The following PRKAR1B variants were observed in gnomAD, a reference collection of about 807,000 sequenced individuals.
PRKAR1B encodes the protein cAMP-dependent protein kinase type I-beta regulatory subunit.
In PRKAR1B, 22 loss-of-function variants were observed where a neutral mutation model predicts 46.5. The observed-to-expected ratio is 0.47, with a 90% confidence interval of 0.34 to 0.68. PRKAR1B has a LOEUF of 0.68. Among genes scored for constraint, PRKAR1B ranks in the 30% least tolerant of loss-of-function variants. The pLI is 0.01. For synonymous variants in PRKAR1B, 259 were observed against 217.7 expected, an observed-to-expected ratio of 1.19 and a Z score of -1.67; for missense variants, 445 against 535.6, an observed-to-expected ratio of 0.83 and a Z score of 1.67.
chr7:682,144 T>C (rs866034084), intron 2 of PRKAR1B, among the ~76,000 whole-genome samples: 5 of 152,114 alleles, frequency 3.3e-5, no homozygotes, highest in Middle Eastern at 6.8e-3. Context: ...AGCTCAGTCC[T>C]CGTCCTAAGG....
At chr7:632,318 A>C (rs1583328240) in intron 4 of PRKAR1B, among the ~76,000 whole-genome samples, 2 of 151,990 alleles carry the variant, frequency 1.3e-5, no homozygotes, top group South Asian at 4.1e-4. Context: ...GAGACCACCC[A>C]CCTCGCCGAA....
chr7:553,629 C>T (rs1784386324), intron 9 of PRKAR1B, among the ~76,000 whole-genome samples: 1 of 152,214 alleles, frequency 6.6e-6, no homozygotes, highest in Non-Finnish European at 1.5e-5. Context: ...AGAACAAACA[C>T]TTCATTTCAA....
chr7:550,426 G>C lies in PRKAR1B; in HGVS notation c.*4C>G. On this transcript the variant is annotated 3_prime_UTR_variant, in exon 11 of 11. Coordinates refer to ENST00000537384, the MANE Select transcript of PRKAR1B (RefSeq NM_001164760.2). The stretch of plus-strand genomic sequence containing the variant: ...GAGCTGGGGCTGCAGGGCGGGAGCT[G>C]TGCTCAGACGGTGAGGGAGATGAAG... The C allele has an allele frequency of 6.3e-7, 1 of 1,584,314 alleles. No individual in the cohort carries two copies. Among genetic ancestry groups the C allele is most frequent in the Non-Finnish European group, 8.6e-7 (1 of 1,165,716 alleles).
chr7:715,915 C>T (rs979704245), intron 1 of PRKAR1B, among the ~76,000 whole-genome samples: 52 of 152,264 alleles, frequency 3.4e-4, no homozygotes, highest in East Asian at 3.9e-4. Flanking sequence ...TGGGGTTTCA[C>T]CGTGTTAGCC....
chr7:686,300 C>T (rs1275613679), intron 2 of PRKAR1B, among the ~76,000 whole-genome samples: 1 of 141,916 alleles, frequency 7.0e-6, no homozygotes, highest in Non-Finnish European at 1.5e-5. Flanking sequence ...GATTATGTCT[C>T]AGAAAAAAAA....
intron 4 of PRKAR1B, among the ~76,000 whole-genome samples, chr7:613,224 T>C (rs1041331468): frequency 6.7e-6 from 1 of 149,600 alleles, no homozygotes; most frequent in Non-Finnish European, 1.5e-5. Flanking sequence ...TTTCATGTGT[T>C]TTTTTCTTTT....
chr7:614,859 C>A (rs1782714464), intron 4 of PRKAR1B, among the ~76,000 whole-genome samples: 1 of 151,760 alleles, frequency 6.6e-6, no homozygotes, highest in South Asian at 2.1e-4. Flanking sequence ...TTACCATGAG[C>A]TGAGATCGCA....
intron 2 of PRKAR1B, among the ~76,000 whole-genome samples, chr7:699,191 C>T (rs1022371226): frequency 9.9e-5 from 15 of 152,278 alleles, no homozygotes; most frequent in African/African-American, 3.6e-4. Context: ...AGCTCCATGA[C>T]TCTCCCTGGC....
At chr7:636,372 A>T (rs76815819) in intron 4 of PRKAR1B, among the ~76,000 whole-genome samples, 59 of 29,468 alleles carry the variant, frequency 2.0e-3, no homozygotes, top group African/African-American at 4.5e-3. Context: ...GGCCGCGCCC[A>T]CACGTCCTCC....
At chr7:724,950 C>G (rs1781198214) in intron 1 of PRKAR1B, among the ~76,000 whole-genome samples, 1 of 152,228 alleles carries the variant, frequency 6.6e-6, no homozygotes, top group Non-Finnish European at 1.5e-5. Flanking sequence ...CGTGGTGGCT[C>G]ACGCCTGTAA....
chr7:603,969 G>A (rs1340580599), intron 6 of PRKAR1B, among the ~76,000 whole-genome samples: 1 of 152,152 alleles, frequency 6.6e-6, no homozygotes, highest in East Asian at 1.9e-4. Flanking sequence ...ATAAAGCGGT[G>A]GGTCCAGTCA....
intron 9 of PRKAR1B, among the ~76,000 whole-genome samples, chr7:575,844 C>T (rs1233877646): frequency 2.0e-5 from 3 of 152,212 alleles, no homozygotes; most frequent in African/African-American, 7.2e-5. Context: ...TCCCAAAGTG[C>T]TGGGATTACA....
At chr7:621,207 A>G (rs1783093320) in intron 4 of PRKAR1B, among the ~76,000 whole-genome samples, 1 of 152,228 alleles carries the variant, frequency 6.6e-6, no homozygotes, top group Admixed American at 6.5e-5. Context: ...AAGAATAGAC[A>G]GTTTGCTGAT....
chr7:652,438 A>AG (rs1436744061), intron 4 of PRKAR1B, among the ~76,000 whole-genome samples: 1 of 150,204 alleles, frequency 6.7e-6, no homozygotes, highest in Non-Finnish European at 1.5e-5. Context: ...CTCGGAAGAC[A>AG]GTTCACACCC....
intron 6 of PRKAR1B, among the ~76,000 whole-genome samples, chr7:605,881 C>T (rs1208739444): frequency 2.6e-5 from 4 of 152,136 alleles, no homozygotes; most frequent in African/African-American, 4.8e-5. Flanking sequence ...GATCTGGAGA[C>T]GGCGCTGGGT....
chr7:698,098 A>G (rs1444590253), intron 2 of PRKAR1B, among the ~76,000 whole-genome samples: 7 of 127,756 alleles, frequency 5.5e-5, no homozygotes, highest in Non-Finnish European at 8.3e-5. Flanking sequence ...GAGGGGAGGG[A>G]AGGGAATTAG....
At chr7:691,874 C>A in intron 2 of PRKAR1B, 2 of 1,153,296 alleles carry the variant, frequency 1.7e-6, no homozygotes, top group Non-Finnish European at 2.2e-6. Flanking sequence ...GGCCATCTCA[C>A]AATCTCTCAG....
At chr7:637,768 G>A (rs1387190324) in intron 4 of PRKAR1B, among the ~76,000 whole-genome samples, 6 of 152,164 alleles carry the variant, frequency 3.9e-5, no homozygotes, top group Admixed American at 3.9e-4. Context: ...CTGAGGTGGA[G>A]GTTGCAGTGA....
intron 8 of PRKAR1B, among the ~76,000 whole-genome samples, chr7:581,057 A>G (rs899375333): frequency 2.6e-5 from 4 of 152,162 alleles, no homozygotes; most frequent in Non-Finnish European, 5.9e-5. Context: ...TAATCCCAGC[A>G]CTTTGGGAGG....
Sources: gnomAD v4.1 joint callset for allele counts (sites outside exome capture counted in the v4.1 genomes callset) on GRCh38, gnomAD v4.1.1 for gene constraint, MANE v1.5 for transcripts, NCBI Gene and HGNC (gene_info 2026-07-23, HGNC 2026-07-21) for gene names.